The following VPS13A variants were observed in gnomAD, a reference collection of about 807,000 sequenced individuals.
VPS13A encodes intermembrane lipid transfer protein VPS13A.
VPS13A carries 264 observed loss-of-function variants against 390.9 expected under a neutral mutation model. The observed-to-expected ratio is 0.68, with a 90% CI of 0.61 to 0.75. VPS13A has a LOEUF of 0.75. VPS13A is among the 30% of genes least tolerant of loss of function. The pLI, the probability that VPS13A is intolerant of heterozygous loss-of-function variation, is 0.00. For synonymous variants in VPS13A, 1,231 were observed against 1,227.1 expected, an observed-to-expected ratio of 1.00 and a Z score of -0.07; for missense variants, 3,409 against 3,733.9, an observed-to-expected ratio of 0.91 and a Z score of 2.27.
intron 22 of VPS13A, among the ~76,000 whole-genome samples, chr9:77,254,516 A>T (rs977481266): frequency 7.2e-5 from 11 of 152,130 alleles, no homozygotes; most frequent in African/African-American, 2.7e-4. Context: ...GCTATTCGGG[A>T]TCCTTTGGTA....
At position 77,281,886 on chromosome 9, in the gene VPS13A, A is replaced by C. The variant is rs776173489; in HGVS notation, c.2924A>C (p.Asp975Ala). ...GGATAGGCTGAAAAGAATGTACCCG[A>C]CTTGAAAAGTACCTATAACAATGTT... ...EYVKAEKNVP[D>A]LKSTYNNVLQ... Residue 975 changes from aspartate (D) to alanine (A), a missense_variant, in exon 28 of 72, where the codon GAC becomes GCC. Transcript: ENST00000360280. 3.1e-6 allele frequency: 5 copies of C among 1,604,664 alleles called. No individual in the cohort carries two copies. The South Asian group carries it at 3.3e-5, about 11-fold the overall frequency.
chr9:77,339,820 A>G lies in VPS13A; in HGVS notation c.6683A>G (p.Lys2228Arg). 1.2e-6 allele frequency: 2 copies of G among 1,614,036 alleles called. No individual in the cohort carries two copies. Among genetic ancestry groups the G allele is most frequent in the South Asian group, 2.2e-5 (2 of 91,080 alleles). ...VNKTGRMLQYKADGIHRKHPP... is the reference protein window; with the variant it reads ...VNKTGRMLQYRADGIHRKHPP... ...AAAACTGGCCGCATGTTACAGTACAAAGCAGACGGAATTCATCGAAAGCAT... is the reference window on the plus strand; with the variant it reads ...AAAACTGGCCGCATGTTACAGTACAGAGCAGACGGAATTCATCGAAAGCAT... The change falls in exon 48 of 72, where the codon AAA becomes AGA. Residue 2228 changes from lysine to arginine, a missense_variant. By Grantham distance (26) the Lys-to-Arg change is conservative (BLOSUM62 2). This residue lies in a region of VPS13A where 2,717 missense variants were observed against 2,917.4 expected (regional missense o/e 0.93). Coordinates refer to ENST00000360280, the MANE Select transcript of VPS13A (RefSeq NM_033305.3).
chr9:77,332,289 TA>T (rs1215078646), intron 46 of VPS13A, among the ~76,000 whole-genome samples, 176 bp downstream of exon 46: 2 of 152,020 alleles, frequency 1.3e-5, no homozygotes, highest in Non-Finnish European at 2.9e-5. Context: ...TGTAATAACT[TA>T]TACCAAGCAC....
chr9:77,319,599 G>A lies in VPS13A; in HGVS notation c.5341G>A (p.Val1781Ile), dbSNP rs1350043843. 6.2e-7 allele frequency: 1 copy of A among 1,610,776 alleles called. No homozygotes were observed. The highest frequency in any genetic ancestry group is 1.7e-5 in the Admixed American group (1 of 59,890). Reference sequence around the variant, plus strand: ...GCATTATTATAATGAAATGTTTGGTGTATGGGAGCCTTTGCTTGAACCCTT... The same window carrying A: ...GCATTATTATAATGAAATGTTTGGTATATGGGAGCCTTTGCTTGAACCCTT... ...EVHYYNEMFG[V>I]WEPLLEPLEI... Residue 1781 changes from valine (V) to isoleucine (I), a missense_variant, in exon 42 of 72, where the codon GTA (valine) becomes ATA (isoleucine). By Grantham distance (29) the Val-to-Ile change is conservative. Coordinates refer to ENST00000360280, the MANE Select transcript of VPS13A (RefSeq NM_033305.3).
intron 22 of VPS13A, among the ~76,000 whole-genome samples, chr9:77,254,241 C>T (rs1825318856): frequency 6.6e-6 from 1 of 152,136 alleles, no homozygotes; most frequent in African/African-American, 2.4e-5. Flanking sequence ...CTGCTCCCGG[C>T]CTTATTCTTT....
chr9:77,193,407 G>A (rs1178118479), intron 1 of VPS13A, among the ~76,000 whole-genome samples: 1 of 152,166 alleles, frequency 6.6e-6, no homozygotes, highest in Non-Finnish European at 1.5e-5. Context: ...GCTGAGGCGG[G>A]CGGATCACTT....
rs977666852 is a variant in VPS13A, at chr9:77,220,485, G to A, written c.989+102G>A. On this transcript the variant is annotated intron_variant, in intron 12 of 71. Transcript: ENST00000360280. ...ATCTTTAAGATATACCATTTTTAAG[G>A]TCTGATACAAACCATAATTGATTTA... The A allele has an allele frequency of 1.5e-5, 12 of 809,082 alleles. No individual in the cohort carries two copies. The African/African-American group carries it at 2.1e-4, about 14-fold the overall frequency. 50.1% of individuals were successfully genotyped at this position (809,082 alleles called of 1,614,324 possible).
At chr9:77,280,770 A>C (rs1826970195) in intron 27 of VPS13A, among the ~76,000 whole-genome samples, 1 of 152,198 alleles carries the variant, frequency 6.6e-6, no homozygotes, top group African/African-American at 2.4e-5. Flanking sequence ...TATAATAAGA[A>C]TAATGCAGAA....
chr9:77,250,311 T>C, intron 21 of VPS13A, 82 bp downstream of exon 21: 1 of 1,472,928 alleles, frequency 6.8e-7, no homozygotes, highest in Non-Finnish European at 9.4e-7. Context: ...GACCTTCCTC[T>C]TAAATGTGTT....
intron 12 of VPS13A, among the ~76,000 whole-genome samples, chr9:77,220,742 T>C (rs1056734499): frequency 6.6e-6 from 1 of 152,068 alleles, no homozygotes; most frequent in Non-Finnish European, 1.5e-5. Flanking sequence ...GAACCAATAT[T>C]ATTAAACCTG....
rs1285000676 is a variant in VPS13A at position 77,419,968 on chromosome 9, C to T, written c.*3962C>T. 6.6e-6 allele frequency: 1 copy of T among 152,168 alleles called. No homozygotes were observed. The highest frequency in any genetic ancestry group is 1.5e-5 in the Non-Finnish European group (1 of 68,016). The allele number at this position is 152,168 out of a possible 1,614,324, so 9.4% of individuals were successfully genotyped here. A position where few individuals can be genotyped will look rare whatever the true frequency, so the allele number is the denominator to read the frequency against. On this transcript the variant is annotated 3_prime_UTR_variant, in exon 72 of 72. Coordinates refer to ENST00000360280, the MANE Select transcript of VPS13A (RefSeq NM_033305.3). ...CTAAAAACAGTGGATTTCCTCATTT[C>T]TTTAAGATCCAAGTAGAAAATGTAA...
chr9:77,279,935 C>T, intron 26 of VPS13A: 1 of 398,004 alleles, frequency 2.5e-6, no homozygotes, highest in Non-Finnish European at 4.7e-6. Context: ...GGGTATGAGA[C>T]TTCAGTGTTG....
At chr9:77,206,604 C>T (rs1168097120) in intron 5 of VPS13A, among the ~76,000 whole-genome samples, 5 of 152,020 alleles carry the variant, frequency 3.3e-5, no homozygotes, top group Admixed American at 2.0e-4. Flanking sequence ...TTATTGGAAG[C>T]GGTGTCCTGA....
chr9:77,317,333 A>C (rs543208307), intron 39 of VPS13A, among the ~76,000 whole-genome samples: 12 of 151,916 alleles, frequency 7.9e-5, no homozygotes. Context: ...GTATGACCAC[A>C]CTTTACTTCA....
rs750574896 is a variant in VPS13A, at chr9:77,302,367, C to CTTTTTTTTTTTTTTT, written c.3813-548_3813-547insTTTTTTTTTTTTTTT. ...TGTATCGAAAAATACATATTTTTCC[C>CTTTTTTTTTTTTTTT]CTTTTTTTTTTTTTTTTTTTTTGGA... On this transcript the variant is annotated intron_variant, in intron 33 of 71. Transcript: ENST00000360280. Among the ~76,000 whole-genome samples, 2 of 136,044 alleles carry CTTTTTTTTTTTTTTT rather than the reference C, an allele frequency of 1.5e-5. 1 individual carries two copies. The allele number at this position is 136,044 out of a possible 152,430, so 89.3% of individuals were successfully genotyped here. A position where few individuals can be genotyped will look rare whatever the true frequency, so the allele number is the denominator to read the frequency against.
chr9:77,257,358 C>T (rs1041042847), intron 22 of VPS13A, among the ~76,000 whole-genome samples: 2 of 152,096 alleles, frequency 1.3e-5, no homozygotes, highest in African/African-American at 4.8e-5. Flanking sequence ...CCTTGTCCTC[C>T]TGAGTAGCTG....
chr9:77,237,879 A>C (rs908772187), intron 17 of VPS13A, 123 bp from the exon 18 acceptor site: 3 of 689,192 alleles, frequency 4.4e-6, no homozygotes, highest in Non-Finnish European at 7.5e-6. Context: ...CTTTGATGGG[A>C]ATGGACTGGA....
intron 70 of VPS13A, among the ~76,000 whole-genome samples, chr9:77,406,872 C>T (rs939053595): frequency 6.6e-6 from 1 of 152,140 alleles, no homozygotes; most frequent in Non-Finnish European, 1.5e-5. Flanking sequence ...AAACATCATC[C>T]TTGTCCTCAA....
intron 21 of VPS13A, among the ~76,000 whole-genome samples, chr9:77,251,962 A>G (rs1313859888): frequency 6.6e-6 from 1 of 152,180 alleles, no homozygotes; most frequent in East Asian, 1.9e-4. Flanking sequence ...AGTTACTGTT[A>G]AAGAACCTCA....
Sources: gnomAD v4.1 joint callset for allele counts (sites outside exome capture counted in the v4.1 genomes callset) on GRCh38, gnomAD v4.1.1 for gene constraint, gnomAD v4.1.1 regional missense constraint, MANE v1.5 for transcripts, NCBI Gene and HGNC (gene_info 2026-07-23, HGNC 2026-07-21) for gene names.